Variants in SHMT2 observed in about 807,000 individuals in gnomAD.
SHMT2 encodes serine hydroxymethyltransferase, mitochondrial.
In SHMT2, 38 loss-of-function variants were observed where a neutral mutation model predicts 59.6. The ratio of observed to expected loss-of-function variants is 0.64; its 90% CI spans 0.49 to 0.84. SHMT2 has a LOEUF of 0.84. Ranked by LOEUF, SHMT2 falls within the 40% of genes least tolerant of loss-of-function variation. The pLI, the probability that SHMT2 is intolerant of heterozygous loss-of-function variation, is 0.00. For missense variants in SHMT2, 533 were observed against 659.5 expected (o/e 0.81, Z 2.10); for synonymous variants, 254 against 258.1 (o/e 0.98, Z 0.15).
chr12:57,231,265 A>G, intron 2 of SHMT2: 1 of 625,786 alleles, frequency 1.6e-6, no homozygotes. Context: ...CTAGAAGCAC[A>G]AGTTTGAGTG....
chr12:57,232,620 TGAG>T, intron 6 of SHMT2, 45 bp downstream of exon 6: 2 of 1,612,814 alleles, frequency 1.2e-6, no homozygotes, highest in Non-Finnish European at 8.5e-7. Context: ...CAGGGGGTGG[TGAG>T]GAGGTGTGGG....
chr12:57,231,503 T>C lies in SHMT2; in HGVS notation c.254T>C (p.Leu85Pro). Residue 85 changes from leucine to proline, a missense_variant, in exon 3 of 12, where the codon CTG (leucine) becomes CCG (proline). Transcript: ENST00000328923. The part of the protein sequence containing the change: ...ASENFCSRAA[L>P]EALGSCLNNK... The stretch of plus-strand genomic sequence containing the variant: ...CAGAACTTCTGCAGCCGAGCTGCGC[T>C]GGAGGCCCTGGGGTCCTGTCTGAAC... 1 of 1,614,238 alleles carries C rather than the reference T, an allele frequency of 6.2e-7. No individual in the cohort carries two copies. Among genetic ancestry groups the C allele is most frequent in the Non-Finnish European group, 8.5e-7 (1 of 1,180,030 alleles).
intron 1 of SHMT2, chr12:57,230,142 C>T (rs2037251825): frequency 5.3e-6 from 7 of 1,314,382 alleles, no homozygotes; most frequent in Non-Finnish European, 6.9e-6. Flanking sequence ...CAAGCTGAGC[C>T]TTTCCGGCCA....
At position 57,230,890 on chromosome 12, in the gene SHMT2, A is replaced by G; in HGVS notation, c.121A>G (p.Arg41Gly). The change falls in exon 2 of 12, where the codon AGG becomes GGG. Residue 41 changes from arginine to glycine, a missense_variant. Transcript: ENST00000328923. ...CCAGACTCAGACTGGGGAAGCAAACAGGGGCTGGACAGGCCAGGAGAGCCT... is the reference window on the plus strand; with the variant it reads ...CCAGACTCAGACTGGGGAAGCAAACGGGGGCTGGACAGGCCAGGAGAGCCT... ...AAQTQTGEAN[R>G]GWTGQESLSD... The G allele has an allele frequency of 6.2e-7, 1 of 1,614,046 alleles. No individual in the cohort carries two copies. Among genetic ancestry groups the G allele is most frequent in the Non-Finnish European group, 8.5e-7 (1 of 1,179,978 alleles).
At chr12:57,234,135 G>A in intron 11 of SHMT2, 25 bp downstream of exon 11, 2 of 1,613,872 alleles carry the variant, frequency 1.2e-6, no homozygotes, top group Non-Finnish European at 1.7e-6. Flanking sequence ...AGGAGCCCCG[G>A]GCCAGCCAGT....
In SHMT2 at chr12:57,233,676, T is replaced by G. The variant is rs1408870054; in HGVS notation, c.1123+14T>G. ...CACTGGTATCAGGTAAGCCAGCAGGTGATGGGTGAGGGCCTCTGTAGCTTC... is the reference window on the plus strand; with the variant it reads ...CACTGGTATCAGGTAAGCCAGCAGGGGATGGGTGAGGGCCTCTGTAGCTTC... On this transcript the variant is annotated intron_variant, in intron 9 of 11. Coordinates refer to ENST00000328923, the MANE Select transcript of SHMT2 (RefSeq NM_005412.6). 1 of 1,613,482 alleles carries G rather than the reference T, an allele frequency of 6.2e-7. No individual in the cohort carries two copies. The highest frequency in any genetic ancestry group is 1.1e-5 in the South Asian group (1 of 91,022).
chr12:57,230,810 A>G lies in SHMT2; in HGVS notation c.41A>G (p.Gln14Arg), dbSNP rs1292619200. The G allele has an allele frequency of 1.2e-6, 2 of 1,614,038 alleles. No individual in the cohort carries two copies. Among genetic ancestry groups the G allele is most frequent in the Non-Finnish European group, 1.7e-6 (2 of 1,179,990 alleles). Reference sequence around the variant, plus strand: ...GACTTTTCCTGCCTTCAGCCTCTGCAGAGATGTGGGCAGCTGGTCAGGATG... The same window carrying G: ...GACTTTTCCTGCCTTCAGCCTCTGCGGAGATGTGGGCAGCTGGTCAGGATG... ...FSLFWAARPL[Q>R]RCGQLVRMAI... is the part of the protein sequence containing the mutation. Residue 14 changes from glutamine to arginine, a missense_variant, in exon 2 of 12, where the codon CAG (glutamine) becomes CGG (arginine). Transcript: ENST00000328923.
At chr12:57,230,118 T>C in intron 1 of SHMT2, 2 of 1,334,514 alleles carry the variant, frequency 1.5e-6, no homozygotes, top group South Asian at 1.5e-5. Context: ...AGCGGAGTTT[T>C]CGGCCTGGTC....
intron 11 of SHMT2, 23 bp downstream of exon 11, chr12:57,234,133 C>G (rs775256030): frequency 1.9e-6 from 3 of 1,613,726 alleles, no homozygotes; most frequent in Non-Finnish European, 1.7e-6. Context: ...GAAGGAGCCC[C>G]GGGCCAGCCA....
chr12:57,230,711 G>T, intron 1 of SHMT2, 92 bp from the exon 2 acceptor site: 1 of 1,515,000 alleles, frequency 6.6e-7, no homozygotes, highest in Non-Finnish European at 8.9e-7. Context: ...ACAACTGGCA[G>T]CTTGGTGTGG....
At chr12:57,231,669 G>A in intron 3 of SHMT2, 44 bp from the exon 4 acceptor site, 1 of 1,612,818 alleles carries the variant, frequency 6.2e-7, no homozygotes, top group Non-Finnish European at 8.5e-7. Context: ...GCTGATGGTT[G>A]AGAGTCCTTT....
Position 57,232,196 on chromosome 12 carries a change from C to T in SHMT2, c.513-15C>T. The T allele has an allele frequency of 6.2e-7, 1 of 1,613,224 alleles. No homozygotes were observed. Among genetic ancestry groups the T allele is most frequent in the Non-Finnish European group, 8.5e-7 (1 of 1,179,202 alleles). ...TCCTTCCACCCAGGCCTTCTTACTT[C>T]CTCTCACTTCGCAGTCTCACCCACG... On this transcript the variant is annotated splice_polypyrimidine_tract_variant and intron_variant, in intron 4 of 11. Coordinates refer to ENST00000328923, the MANE Select transcript of SHMT2 (RefSeq NM_005412.6).
chr12:57,233,416 C>G, intron 8 of SHMT2, 71 bp downstream of exon 8: 1 of 1,518,408 alleles, frequency 6.6e-7, no homozygotes. Flanking sequence ...ACCTTGCTAA[C>G]TGATGCTGGG....
rs1167417327 is a variant in SHMT2, at chr12:57,234,463, A to C, written c.*102A>C. Reference sequence around the variant, plus strand: ...TTTCTATTTTTTGGTGCGGGAGGGAAGACCTCTCACTTAGGGCAAGAGCCA... The same window carrying C: ...TTTCTATTTTTTGGTGCGGGAGGGACGACCTCTCACTTAGGGCAAGAGCCA... On this transcript the variant is annotated 3_prime_UTR_variant, in exon 12 of 12. Transcript: ENST00000328923. The C allele has an allele frequency of 7.5e-7, 1 of 1,341,892 alleles. No homozygotes were observed. The highest frequency in any genetic ancestry group is 1.5e-5 in the African/African-American group (1 of 68,024). The allele number at this position is 1,341,892 out of a possible 1,614,324, so 83.1% of individuals were successfully genotyped here.
In SHMT2 at chr12:57,232,587, G is replaced by A. The variant is rs372077401; in HGVS notation, c.717+12G>A. 3.7e-6 allele frequency: 6 copies of A among 1,614,062 alleles called. No individual in the cohort carries two copies. In the South Asian group the frequency reaches 5.5e-5, roughly 15 times the overall value. ...CCCGCATGAGAGAGGTTGGTGGGGG[G>A]GGCTGGAGACTGGGCACCTCCCCAG... is the stretch of plus-strand genomic sequence containing the variant. On this transcript the variant is annotated intron_variant, in intron 6 of 11. Transcript: ENST00000328923.
chr12:57,230,350 TC>T (rs948143187), intron 1 of SHMT2: 1 of 1,138,282 alleles, frequency 8.8e-7, no homozygotes, highest in Non-Finnish European at 1.1e-6. Context: ...AGGTCTCCCC[TC>T]CCACCTGCAT....
rs561041442 is a variant in SHMT2, at chr12:57,232,560, C to T, written c.702C>T (p.Tyr234=). 1.7e-5 allele frequency: 28 copies of T among 1,614,172 alleles called. No homozygotes were observed. The highest frequency in any genetic ancestry group is 1.2e-4 in the South Asian group (11 of 91,080). Residue 234 remains tyrosine, a synonymous_variant, in exon 6 of 12, where the codon TAC becomes TAT. Transcript: ENST00000328923. ...GCGCCTATGCTCGCCTCATTGACTA[C>T]GCCCGCATGAGAGAGGTTGGTGGGG... The part of the protein sequence containing the change: ...GTSAYARLID[Y]ARMREVCDEV...
Position 57,232,733 on chromosome 12 carries a change from G to A in SHMT2, c.747G>A (p.Leu249=). The part of the protein sequence containing the change: ...EVCDEVKAHL[L]ADMAHISGLV... ...GTGATGAAGTCAAAGCACACCTGCT[G>A]GCAGACATGGCCCACATCAGTGGCC... is the stretch of plus-strand genomic sequence containing the variant. The change falls in exon 7 of 12, where the codon CTG becomes CTA. Residue 249 remains leucine (L), a synonymous_variant. Transcript: ENST00000328923. The A allele has an allele frequency of 6.2e-7, 1 of 1,610,830 alleles. No individual in the cohort carries two copies. Among genetic ancestry groups the A allele is most frequent in the Non-Finnish European group, 8.5e-7 (1 of 1,177,338 alleles).
At chr12:57,232,158 T>C (rs1194743516) in intron 4 of SHMT2, 53 bp from the exon 5 acceptor site, 1 of 1,519,462 alleles carries the variant, frequency 6.6e-7, no homozygotes, top group East Asian at 2.3e-5. Context: ...AAGGGAGTGG[T>C]TAAGTCCGGG....
Sources: gnomAD v4.1 joint callset for allele counts on GRCh38, gnomAD v4.1.1 for gene constraint, MANE v1.5 for transcripts, NCBI Gene and HGNC (gene_info 2026-07-23, HGNC 2026-07-21) for gene names.